The following GNS variants were observed in gnomAD, a reference collection of about 807,000 sequenced individuals.
GNS encodes the protein glucosamine (N-acetyl)-6-sulfatase.
A neutral mutation model predicts 69.7 loss-of-function variants in GNS; 40 were observed. That is an observed-to-expected ratio of 0.57 (90% CI 0.45 to 0.75). The LOEUF (loss-of-function observed/expected upper bound fraction) is 0.75. GNS is among the 30% of genes least tolerant of loss of function. GNS has a pLI of 0.00. For synonymous variants in GNS, 243 were observed against 251.6 expected, an observed-to-expected ratio of 0.97 and a Z score of 0.32; for missense variants, 565 against 685.5, an observed-to-expected ratio of 0.82 and a Z score of 1.96.
At chr12:64,729,364 G>A (rs1869313264) in intron 9 of GNS, 4 of 314,892 alleles carry the variant, frequency 1.3e-5, no homozygotes, top group South Asian at 5.0e-5. Context: ...AGTTTGTTGC[G>A]AATCATGAGA....
At chr12:64,722,140 T>G (rs985340206) in intron 11 of GNS, among the ~76,000 whole-genome samples, 1 of 152,012 alleles carries the variant, frequency 6.6e-6, no homozygotes, top group African/African-American at 2.4e-5. Context: ...TTATCCTTCC[T>G]CAGCCTCCTG....
chr12:64,725,654 A>G (rs76275689), intron 10 of GNS, among the ~76,000 whole-genome samples: 1 of 152,182 alleles, frequency 6.6e-6, no homozygotes, highest in Non-Finnish European at 1.5e-5. Flanking sequence ...AATTATACAC[A>G]ACATAATGAT....
intron 8 of GNS, among the ~76,000 whole-genome samples, chr12:64,738,716 G>A (rs1407587017): frequency 1.3e-5 from 2 of 152,044 alleles, no homozygotes; most frequent in African/African-American, 4.8e-5. Context: ...GAGAGGTTGA[G>A]GCAGGAGAAT....
At chr12:64,754,086 A>G (rs1308964819) in intron 1 of GNS, among the ~76,000 whole-genome samples, 2 of 152,264 alleles carry the variant, frequency 1.3e-5, no homozygotes, top group Admixed American at 1.3e-4. Context: ...AAATTATGAA[A>G]GAATATCTGA....
rs573728034 is a variant in GNS, at chr12:64,729,735, C to T, written c.1099-678G>A. On this transcript the variant is annotated intron_variant, in intron 9 of 13. Coordinates refer to ENST00000258145, the MANE Select transcript of GNS (RefSeq NM_002076.4). ...ACTATTTTCCTTCTGTAAGACAATG[C>T]CTCTACAGGGCCTAATCCAGAGTAG... Among the ~76,000 whole-genome samples the T allele has an allele frequency of 2.0e-5, 3 of 152,186 alleles. No individual in the cohort carries two copies. The East Asian group carries it at 5.8e-4, about 29-fold the overall frequency.
intron 8 of GNS, among the ~76,000 whole-genome samples, chr12:64,738,959 C>A (rs1488639403): frequency 6.6e-6 from 1 of 152,060 alleles, no homozygotes; most frequent in Admixed American, 6.6e-5. Context: ...AACAGAAGGT[C>A]CAAGCAGAAA....
At position 64,743,302 on chromosome 12, in the gene GNS, C is replaced by CATT. The variant is rs1247665369; in HGVS notation, c.628_630dup (p.Asn210dup). On this transcript the variant is annotated inframe_insertion, in exon 6 of 14. Coordinates refer to ENST00000258145, the MANE Select transcript of GNS (RefSeq NM_002076.4). ...TTGTAGTCCAGAAAGTCCAAGGAGA[C>CATT]ATTAGCCTGACACATAAAAAGATTT... 5.6e-6 allele frequency: 9 copies of CATT among 1,610,120 alleles called. No homozygotes were observed. Among genetic ancestry groups the CATT allele is most frequent in the Non-Finnish European group, 7.6e-6 (9 of 1,176,594 alleles).
intron 6 of GNS, among the ~76,000 whole-genome samples, chr12:64,742,249 T>C (rs929778286): frequency 6.6e-6 from 1 of 152,170 alleles, no homozygotes; most frequent in Non-Finnish European, 1.5e-5. Context: ...CTCAATCTCC[T>C]GACCTCGTGA....
At chr12:64,723,708 A>G (rs1214228188) in intron 10 of GNS, among the ~76,000 whole-genome samples, 1 of 152,264 alleles carries the variant, frequency 6.6e-6, no homozygotes, top group East Asian at 1.9e-4. Context: ...TGGTGAAAGG[A>G]GAAAGAATCT....
chr12:64,758,417 G>A (rs1019943743), intron 1 of GNS, among the ~76,000 whole-genome samples: 3 of 141,588 alleles, frequency 2.1e-5, no homozygotes, highest in African/African-American at 7.8e-5. Context: ...CTGCCTCCCG[G>A]GTTCAAGCGA....
At chr12:64,734,213 C>A (rs543733308) in intron 9 of GNS, among the ~76,000 whole-genome samples, 3 of 152,316 alleles carry the variant, frequency 2.0e-5, no homozygotes, top group Admixed American at 2.0e-4. Flanking sequence ...ATTTTCAGTC[C>A]CTGATCTGCC....
In GNS at chr12:64,724,298, T is replaced by G. The variant is rs556511161; in HGVS notation, c.1201-1185A>C. 2.6e-5 allele frequency among the ~76,000 whole-genome samples: 4 copies of G among 152,348 alleles called. No individual in the cohort carries two copies. The South Asian group carries it at 8.3e-4, about 32-fold the overall frequency. On this transcript the variant is annotated intron_variant, in intron 10 of 13. Transcript: ENST00000258145. ...AAATGCAAATTCTTAGTTCCTAACG[T>G]AGGTAGACAGCAACCTGGGTTTTAG... is the stretch of plus-strand genomic sequence containing the variant.
intron 2 of GNS, among the ~76,000 whole-genome samples, chr12:64,750,864 T>A (rs1870055241): frequency 6.6e-6 from 1 of 152,028 alleles, no homozygotes; most frequent in South Asian, 2.1e-4. Flanking sequence ...GTGAGCTACG[T>A]CACTGCACTC....
intron 9 of GNS, among the ~76,000 whole-genome samples, chr12:64,733,362 T>C (rs1869466021): frequency 6.7e-6 from 1 of 149,138 alleles, no homozygotes. Flanking sequence ...TATCATGCAT[T>C]GAACCTGCTT....
intron 10 of GNS, among the ~76,000 whole-genome samples, chr12:64,725,590 A>G (rs1401735833): frequency 1.3e-5 from 2 of 152,216 alleles, no homozygotes; most frequent in Non-Finnish European, 2.9e-5. Flanking sequence ...AAAACAAAAC[A>G]TGAACAAGGA....
At chr12:64,756,391 C>G (rs1408500456) in intron 1 of GNS, among the ~76,000 whole-genome samples, 1 of 152,080 alleles carries the variant, frequency 6.6e-6, no homozygotes, top group Non-Finnish European at 1.5e-5. Flanking sequence ...ACTGGCATCC[C>G]CGAATGTCAC....
rs61743822 is a variant in GNS, at chr12:64,716,802, C to T, written c.1598G>A (p.Arg533His). 2,635 of 1,612,248 alleles carry T rather than the reference C, an allele frequency of 1.6e-3. 35 individuals are homozygous for T. In the African/African-American group the frequency reaches 0.031, roughly 19 times the overall value. Residue 533 changes from arginine (R) to histidine (H), a missense_variant, in exon 14 of 14, where the codon CGT becomes CAT. Around this residue, in one of 2 missense-constraint regions of GNS, gnomAD observed 384 missense variants for 511.0 expected, o/e 0.75. Transcript: ENST00000258145. ...VFDPGYRFDP[R>H]LMFSNRGSVR... ...ACTGCCGCGATTGCTGAACATGAGA[C>T]GGGGGTCAAACCTGTATCTGGGGAG...
At chr12:64,749,409 C>T (rs139651116) in intron 2 of GNS, among the ~76,000 whole-genome samples, 2,343 of 147,958 alleles carry the variant, frequency 0.016, 71 homozygotes, top group African/African-American at 0.054. Flanking sequence ...CCCGCCACCA[C>T]GCCCGGCTAA....
chr12:64,729,260 A>G, intron 9 of GNS: 1 of 575,126 alleles, frequency 1.7e-6, no homozygotes, highest in Non-Finnish European at 3.1e-6. Flanking sequence ...TAAGGCTTGT[A>G]TAATAGTATA....
Sources: allele counts gnomAD v4.1 joint callset (sites outside exome capture counted in the v4.1 genomes callset), GRCh38; gene constraint gnomAD v4.1.1; regional missense constraint gnomAD v4.1.1; transcripts MANE v1.5; gene names NCBI Gene and HGNC (gene_info 2026-07-23, HGNC 2026-07-21).